HS3ST2: variants seen among roughly 807,000 people sequenced by gnomAD.
HS3ST2 encodes the protein heparan sulfate-glucosamine 3-sulfotransferase 2, also known as heparan sulfate glucosamine 3-O-sulfotransferase 2.
In HS3ST2, 17 loss-of-function variants were observed where a neutral mutation model predicts 26.3. That is an observed-to-expected ratio of 0.65 (90% confidence interval 0.44 to 0.97). The LOEUF is 0.97. HS3ST2 is among the 50% of genes least tolerant of loss of function. HS3ST2 has a pLI of 0.00. For synonymous variants in HS3ST2, 237 were observed against 219.2 expected (o/e 1.08, Z -0.72); for missense variants, 402 against 501.2 (o/e 0.80, Z 1.89).
intron 1 of HS3ST2, among the ~76,000 whole-genome samples, chr16:22,842,875 G>C (rs1238800948): frequency 1.3e-5 from 2 of 152,182 alleles, no homozygotes; most frequent in African/African-American, 4.8e-5. Flanking sequence ...ATTTGGAAAG[G>C]CTAGAGCTTT....
chr16:22,912,142 C>T (rs1019961292), intron 1 of HS3ST2, among the ~76,000 whole-genome samples: 1 of 152,092 alleles, frequency 6.6e-6, no homozygotes, highest in Non-Finnish European at 1.5e-5. Flanking sequence ...ACAAAAAACC[C>T]CAAAACAGAA....
At chr16:22,851,039 TGCACATG>T (rs1322683826) in intron 1 of HS3ST2, among the ~76,000 whole-genome samples, 3 of 152,182 alleles carry the variant, frequency 2.0e-5, no homozygotes, top group Non-Finnish European at 4.4e-5. Flanking sequence ...CTGGGCTTCC[TGCACATG>T]GCAGCTGGGT....
intron 1 of HS3ST2, among the ~76,000 whole-genome samples, chr16:22,873,670 T>A (rs1901868674): frequency 6.6e-6 from 1 of 152,238 alleles, no homozygotes. Flanking sequence ...TTCAGTTTGC[T>A]TTTGTTGGGT....
chr16:22,821,370 C>T (rs548688124), intron 1 of HS3ST2, among the ~76,000 whole-genome samples: 2 of 150,972 alleles, frequency 1.3e-5, no homozygotes, highest in South Asian at 4.2e-4. Flanking sequence ...ATCTGGTATG[C>T]AGGGCTGTAG....
At chr16:22,908,854 C>T (rs1003984246) in intron 1 of HS3ST2, among the ~76,000 whole-genome samples, 14 of 152,120 alleles carry the variant, frequency 9.2e-5, no homozygotes, top group Admixed American at 5.2e-4. Context: ...AATATTCAAA[C>T]GATCGCAAGA....
At chr16:22,914,896 T>G in intron 1 of HS3ST2, 48 bp from the exon 2 acceptor site, 3 of 1,554,546 alleles carry the variant, frequency 1.9e-6, no homozygotes, top group Non-Finnish European at 2.6e-6. Context: ...GCCTGAGGCC[T>G]GGCCCCAGGG....
chr16:22,871,748 G>A (rs1277747407), intron 1 of HS3ST2, among the ~76,000 whole-genome samples: 1 of 152,154 alleles, frequency 6.6e-6, no homozygotes, highest in Non-Finnish European at 1.5e-5. Flanking sequence ...CTATCCACAG[G>A]GGCCTGTGAT....
intron 1 of HS3ST2, among the ~76,000 whole-genome samples, chr16:22,912,475 T>C (rs1397070681): frequency 6.6e-6 from 1 of 152,164 alleles, no homozygotes; most frequent in African/African-American, 2.4e-5. Flanking sequence ...GTGTTAGTGA[T>C]GCAGGGCAGG....
intron 1 of HS3ST2, among the ~76,000 whole-genome samples, chr16:22,815,509 G>C (rs1263802162): frequency 6.6e-6 from 1 of 152,178 alleles, no homozygotes; most frequent in Non-Finnish European, 1.5e-5. Flanking sequence ...AGAAAGATAA[G>C]GCAGTTCAGA....
At chr16:22,837,590 C>T (rs28405341) in intron 1 of HS3ST2, among the ~76,000 whole-genome samples, 2,813 of 145,096 alleles carry the variant, frequency 0.019, 93 homozygotes, top group African/African-American at 0.066. Context: ...CACACACACA[C>T]GGACATATAT....
chr16:22,897,100 C>T (rs1014009210), intron 1 of HS3ST2, among the ~76,000 whole-genome samples: 29 of 152,234 alleles, frequency 1.9e-4, no homozygotes, highest in Admixed American at 1.2e-3. Flanking sequence ...TGTGCCACCA[C>T]GCTAGCCTTG....
At chr16:22,829,924 G>C (rs975402382) in intron 1 of HS3ST2, among the ~76,000 whole-genome samples, 3 of 152,184 alleles carry the variant, frequency 2.0e-5, no homozygotes, top group Non-Finnish European at 4.4e-5. Context: ...GGCACTCACT[G>C]TCATCACACA....
intron 1 of HS3ST2, among the ~76,000 whole-genome samples, chr16:22,907,858 C>T (rs1902375028): frequency 6.6e-6 from 1 of 152,120 alleles, no homozygotes; most frequent in African/African-American, 2.4e-5. Context: ...AGAAGTGGGC[C>T]CGGCTGCAGT....
At chr16:22,881,055 T>A (rs967153089) in intron 1 of HS3ST2, among the ~76,000 whole-genome samples, 2 of 152,198 alleles carry the variant, frequency 1.3e-5, no homozygotes, top group African/African-American at 4.8e-5. Flanking sequence ...TGAGTTTCCA[T>A]CACTTGCAAC....
chr16:22,816,079 G>A (rs1237197686), intron 1 of HS3ST2, among the ~76,000 whole-genome samples: 2 of 152,174 alleles, frequency 1.3e-5, no homozygotes, highest in South Asian at 2.1e-4. Flanking sequence ...CAGCGTCCAC[G>A]CCTCAATGCC....
At chr16:22,824,276 T>C (rs395354) in intron 1 of HS3ST2, among the ~76,000 whole-genome samples, 21,935 of 152,126 alleles carry the variant, frequency 0.14, 1,715 homozygotes, top group East Asian at 0.22. Flanking sequence ...GGGCTGGGCG[T>C]GGTGGCTCAT....
intron 1 of HS3ST2, among the ~76,000 whole-genome samples, chr16:22,866,360 T>G (rs1901750697): frequency 7.7e-6 from 1 of 129,676 alleles, no homozygotes; most frequent in African/African-American, 2.9e-5. Context: ...AATTTGACAA[T>G]ATGGTGTGCG....
chr16:22,832,647 A>G (rs560016096), intron 1 of HS3ST2, among the ~76,000 whole-genome samples: 2 of 152,038 alleles, frequency 1.3e-5, no homozygotes, highest in African/African-American at 4.8e-5. Flanking sequence ...AGGATACTGG[A>G]AGGCAGCTAT....
At chr16:22,833,590 G>T in intron 1 of HS3ST2, 1 of 297,144 alleles carries the variant, frequency 3.4e-6, no homozygotes, top group Non-Finnish European at 6.6e-6. Flanking sequence ...CTTCCTCTGG[G>T]CTAGCCCATG....
Sources: allele counts gnomAD v4.1 joint callset (sites outside exome capture counted in the v4.1 genomes callset), GRCh38; gene constraint gnomAD v4.1.1; transcripts MANE v1.5; gene names NCBI Gene and HGNC (gene_info 2026-07-23, HGNC 2026-07-21).